The following TTN variants were observed in gnomAD, a reference collection of about 807,000 sequenced individuals.
The protein encoded by TTN is connectin.
In TTN, 1,525 loss-of-function variants were observed where a neutral mutation model predicts 3,223.0. The ratio of observed to expected loss-of-function variants is 0.47; its 90% CI spans 0.45 to 0.49. The LOEUF is 0.49. Among genes scored for constraint, TTN ranks in the 20% least tolerant of loss-of-function variants. The probability of loss-of-function intolerance (pLI) is 0.00; values close to 1 mark genes in which losing one functional copy is unlikely to be tolerated. For missense variants in TTN, 40,786 were observed against 43,424.0 expected, an observed-to-expected ratio of 0.94 and a Z score of 5.40; for synonymous variants, 14,094 against 15,161.0, an observed-to-expected ratio of 0.93 and a Z score of 5.17.
Position 178,715,575 on chromosome 2 carries a change from A to T in TTN, c.25839T>A (p.Ser8613Arg). The T allele has an allele frequency of 6.2e-7, 1 of 1,613,638 alleles. No homozygotes were observed. Among genetic ancestry groups the T allele is most frequent in the Non-Finnish European group, 8.5e-7 (1 of 1,179,672 alleles). ...AGGTGTAGTCTCCACTGTCTTCAAC[A>T]CTGAGATTGTGCATTTCCAGCACAG... Reference protein sequence around the residue: ...SVAVLEMHNLSVEDSGDYTCE... With the variant: ...SVAVLEMHNLRVEDSGDYTCE... Residue 8613 changes from serine (S) to arginine (R), a missense_variant, in exon 89 of 363, where the codon AGT becomes AGA. Ser to Arg is a moderately radical substitution (Grantham distance 110). Transcript: ENST00000589042.
Position 178,741,378 on chromosome 2 carries a change from C to A in TTN, c.11855G>T (p.Gly3952Val), listed in dbSNP as rs779033634. The change falls in exon 48 of 363, where the codon GGG (glycine) becomes GTG (valine). Residue 3952 changes from glycine (G) to valine (V), a missense_variant. Physicochemically the swap from Gly to Val is moderately radical, Grantham distance 109. Coordinates refer to ENST00000589042, the MANE Select transcript of TTN (RefSeq NM_001267550.2). Reference protein sequence around the residue: ...KELKPIRCAQGLPAIFEYTVV... With the variant: ...KELKPIRCAQVLPAIFEYTVV... ...TGTGTACTCAAAGATGGCAGGAAGC[C>A]CTTGAGCACAGCGAATTGGTTTTAA... The A allele has an allele frequency of 1.9e-6, 3 of 1,613,818 alleles. No individual in the cohort carries two copies. The highest frequency in any genetic ancestry group is 2.5e-6 in the Non-Finnish European group (3 of 1,179,800).
intron 288 of TTN, 63 bp from the exon 289 acceptor site, chr2:178,599,913 TCA>T (rs2052837934): frequency 7.6e-6 from 11 of 1,451,706 alleles, no homozygotes; most frequent in Non-Finnish European, 9.2e-6. Context: ...AAAGTAGAAT[TCA>T]CAGTTACTAT....
Position 178,575,427 on chromosome 2 carries a change from T to C in TTN, c.70705A>G (p.Ile23569Val), listed in dbSNP as rs1283599647. The stretch of plus-strand genomic sequence containing the variant: ...TCAGAGCCTTTTCTTTGGGCTTCAA[T>C]CACATAGCCAGTGATCTTGCTGCCA... ...DGGSKITGYVIEAQRKGSDQW... is the reference protein window; with the variant it reads ...DGGSKITGYVVEAQRKGSDQW... Residue 23569 changes from isoleucine (I) to valine (V), a missense_variant, in exon 326 of 363, where the codon ATT (isoleucine) becomes GTT (valine). Ile to Val is a conservative substitution (Grantham distance 29). Transcript: ENST00000589042. This position sits in a 1 kb window ranked among gnomAD's most constrained non-coding sequence, Gnocchi z 4.0. The C allele has an allele frequency of 1.2e-6, 2 of 1,613,506 alleles. No homozygotes were observed. The highest frequency in any genetic ancestry group is 2.7e-5 in the African/African-American group (2 of 74,920).
intron 2 of TTN, among the ~76,000 whole-genome samples, chr2:178,803,296 T>C (rs2094155016): frequency 6.6e-6 from 1 of 152,152 alleles, no homozygotes; most frequent in African/African-American, 2.4e-5. Flanking sequence ...TGCATATAGT[T>C]TGAAGGAACA....
Position 178,639,507 on chromosome 2 carries a change from T to G in TTN, c.40876+192A>C, listed in dbSNP as rs541319687. Among the ~76,000 whole-genome samples the G allele has an allele frequency of 2.4e-4, 37 of 152,124 alleles. No homozygotes were observed. The South Asian group carries it at 7.7e-3, about 32-fold the overall frequency. ...GTACATTCCAGTTAAGGCACAATAT[T>G]CACCCACTGGGCAAGAGACAAGGTG... On this transcript the variant is annotated intron_variant, in intron 223 of 362. Transcript: ENST00000589042.
intron 41 of TTN, among the ~76,000 whole-genome samples, chr2:178,765,750 G>A (rs1310538232): frequency 6.6e-6 from 1 of 152,154 alleles, no homozygotes; most frequent in Non-Finnish European, 1.5e-5. Flanking sequence ...CTCAAAACAA[G>A]GTCAGCTTGA....
rs551538420 is a variant in TTN, at chr2:178,776,287, C to T, written c.5577G>A (p.Arg1859=). The part of the protein sequence containing the change: ...PVRVLEGETA[R]FRCRVTGYPQ... ...GGTAGCCTGTTACCCTGCAGCGGAACCTTGCAGTCTCCCCTTCAAGTACTC... is the reference window on the plus strand; with the variant it reads ...GGTAGCCTGTTACCCTGCAGCGGAATCTTGCAGTCTCCCCTTCAAGTACTC... Residue 1859 remains arginine (R), a synonymous_variant, in exon 28 of 363, where the codon AGG becomes AGA. Coordinates refer to ENST00000589042, the MANE Select transcript of TTN (RefSeq NM_001267550.2). The T allele has an allele frequency of 6.8e-6, 11 of 1,613,988 alleles. No homozygotes were observed. Among genetic ancestry groups the T allele is most frequent in the African/African-American group, 2.7e-5 (2 of 74,912 alleles).
At position 178,792,161 on chromosome 2, in the gene TTN, C is replaced by A; in HGVS notation, c.1573G>T (p.Val525Leu). 6.2e-7 allele frequency: 1 copy of A among 1,609,850 alleles called. No individual in the cohort carries two copies. The change falls in exon 10 of 363, where the codon GTA becomes TTA. Residue 525 changes from valine (V) to leucine (L), a missense_variant. Val to Leu is a conservative substitution (Grantham distance 32). Coordinates refer to ENST00000589042, the MANE Select transcript of TTN (RefSeq NM_001267550.2). Reference protein sequence around the residue: ...KETEKTFVPKVVISAAKAKEQ... With the variant: ...KETEKTFVPKLVISAAKAKEQ... ...TTGGCTTTAGCTGCGGAAATTACTACCTTTGGTACAAATGTTTTTTCAGTT... is the reference window on the plus strand; with the variant it reads ...TTGGCTTTAGCTGCGGAAATTACTAACTTTGGTACAAATGTTTTTTCAGTT...
chr2:178,719,528 AT>A (rs773557569), intron 82 of TTN, 25 bp downstream of exon 82: 197 of 1,590,382 alleles, frequency 1.2e-4, no homozygotes, highest in Admixed American at 3.4e-4. Context: ...AATATTGTAT[AT>A]TCATAAAAAT....
At chr2:178,764,869 GC>G in intron 41 of TTN, 58 bp from the exon 42 acceptor site, 1 of 1,595,652 alleles carries the variant, frequency 6.3e-7, no homozygotes, top group Admixed American at 1.7e-5. Flanking sequence ...AAGAGAGCAT[GC>G]AAAACTCTAC....
rs766756026 is a variant in TTN, at chr2:178,682,803, ATCATATTCTTCATATTCC to A, written c.32970_32987del (p.Glu10990_Tyr10995del). On this transcript the variant is annotated inframe_deletion, in exon 135 of 363. Coordinates refer to ENST00000589042, the MANE Select transcript of TTN (RefSeq NM_001267550.2). ...GTTCATACTCCTCAAATTCTTTATA[ATCATATTCTTCATATTCC>A]TCATATTCTTCTTCCCGTTGTACTG... The A allele has an allele frequency of 1.8e-4, 297 of 1,613,034 alleles. No individual in the cohort carries two copies. The highest frequency in any genetic ancestry group is 6.6e-4 in the Middle Eastern group (4 of 6,054).
chr2:178,668,035 G>T (rs1476344032), intron 159 of TTN, among the ~76,000 whole-genome samples: 1 of 152,112 alleles, frequency 6.6e-6, no homozygotes, highest in African/African-American at 2.4e-5. Context: ...TAATGGATTT[G>T]TCTATAAAGA....
chr2:178,619,179 G>T, intron 250 of TTN: 1 of 378,688 alleles, frequency 2.6e-6, no homozygotes, highest in African/African-American at 2.2e-5. Context: ...TGCATACTTA[G>T]TTCAATAAAT....
chr2:178,535,572 T>C lies in TTN; in HGVS notation c.101043A>G (p.Thr33681=), dbSNP rs780016380. 2.4e-5 allele frequency: 38 copies of C among 1,613,788 alleles called. No homozygotes were observed. Among genetic ancestry groups the C allele is most frequent in the Non-Finnish European group, 3.2e-5 (38 of 1,179,836 alleles). ...GAACATCAGCCACATCCAGTTCAACTGTCTTCTGATCAATTCCAAATCTGT... is the reference window on the plus strand; with the variant it reads ...GAACATCAGCCACATCCAGTTCAACCGTCTTCTGATCAATTCCAAATCTGT... ...AKNRFGIDQK[T]VELDVADVPD... is the part of the protein sequence containing the mutation. The change falls in exon 358 of 363, where the codon ACA becomes ACG. Residue 33681 remains threonine (T), a synonymous_variant. Coordinates refer to ENST00000589042, the MANE Select transcript of TTN (RefSeq NM_001267550.2).
At chr2:178,790,597 TA>T in intron 11 of TTN, 110 bp downstream of exon 11, 1 of 1,544,656 alleles carries the variant, frequency 6.5e-7, no homozygotes. Flanking sequence ...ATTTGCATTA[TA>T]AGAAGAGGTG....
rs1420659953 is a variant in TTN, at chr2:178,766,504, G to A, written c.9580C>T (p.His3194Tyr). 1.2e-6 allele frequency: 2 copies of A among 1,614,040 alleles called. No homozygotes were observed. Among genetic ancestry groups the A allele is most frequent in the African/African-American group, 2.7e-5 (2 of 75,026 alleles). Residue 3194 changes from histidine to tyrosine, a missense_variant, in exon 41 of 363, where the codon CAC becomes TAC. Physicochemically the swap from His to Tyr is moderately conservative, Grantham distance 83. Transcript: ENST00000589042. ...ATTCTTCTTTCCACTACATATTTGT[G>A]TCGTTCTTGAACTTGGAAATTGATT... ...IEINFQVQERHKYVVERRIHR... is the reference protein window; with the variant it reads ...IEINFQVQERYKYVVERRIHR...
intron 46 of TTN, 106 bp downstream of exon 46, chr2:178,756,116 A>G: frequency 3.5e-6 from 3 of 857,032 alleles, no homozygotes; most frequent in Admixed American, 2.4e-5. Flanking sequence ...GTGCTAATTT[A>G]GAGATATTCT....
At position 178,567,064 on chromosome 2, in the gene TTN, T is replaced by C. The variant is rs375454098; in HGVS notation, c.79068A>G (p.Glu26356=). The C allele has an allele frequency of 1.1e-5, 18 of 1,613,470 alleles. No individual in the cohort carries two copies. The highest frequency in any genetic ancestry group is 1.4e-5 in the Non-Finnish European group (16 of 1,179,640). Reference sequence around the variant, plus strand: ...TGACAGCCATTATACGGAAAACATATTCATTACCTTCTAAGAGTTTGGTAA... The same window carrying C: ...TGACAGCCATTATACGGAAAACATACTCATTACCTTCTAAGAGTTTGGTAA... ...LKVTKLLEGN[E]YVFRIMAVNK... is the part of the protein sequence containing the mutation. The change falls in exon 326 of 363, where the codon GAA becomes GAG. Residue 26356 remains glutamate (E), a synonymous_variant. Transcript: ENST00000589042.
Position 178,542,936 on chromosome 2 carries a change from G to C in TTN, c.96918C>G (p.Ile32306Met). Reference protein sequence around the residue: ...TVQDLRVLPTIDLSTMPQKTI... With the variant: ...TVQDLRVLPTMDLSTMPQKTI... Reference sequence around the variant, plus strand: ...TCTTCTGAGGCATTGTAGAAAGATCGATTGTTGGCAACACTATGGGAAAGA... The same window carrying C: ...TCTTCTGAGGCATTGTAGAAAGATCCATTGTTGGCAACACTATGGGAAAGA... The change falls in exon 348 of 363, where the codon ATC becomes ATG. Residue 32306 changes from isoleucine (I) to methionine (M), a missense_variant. By Grantham distance (10) the Ile-to-Met change is conservative. Transcript: ENST00000589042. The C allele has an allele frequency of 6.2e-7, 1 of 1,600,672 alleles. No individual in the cohort carries two copies. Among genetic ancestry groups the C allele is most frequent in the Admixed American group, 1.7e-5 (1 of 59,072 alleles).
Sources: gnomAD v4.1 joint callset for allele counts (sites outside exome capture counted in the v4.1 genomes callset) on GRCh38, gnomAD v4.1.1 for gene constraint, Gnocchi (gnomAD v3.1) non-coding constraint, MANE v1.5 for transcripts, NCBI Gene and HGNC (gene_info 2026-07-23, HGNC 2026-07-21) for gene names.